MARCHF7: variants seen among roughly 807,000 people sequenced by gnomAD.
MARCHF7 encodes E3 ubiquitin-protein ligase MARCHF7.
A neutral mutation model predicts 76.5 loss-of-function variants in MARCHF7; 20 were observed. The observed-to-expected ratio is 0.26, with a 90% CI of 0.18 to 0.38. MARCHF7 has a LOEUF of 0.38. Ranked by LOEUF, MARCHF7 falls within the 10% of genes least tolerant of loss-of-function variation. The probability of loss-of-function intolerance (pLI) is 1.00; values close to 1 mark genes in which losing one functional copy is unlikely to be tolerated. For synonymous variants in MARCHF7, 295 were observed against 293.0 expected, an observed-to-expected ratio of 1.01 and a Z score of -0.07; for missense variants, 797 against 812.9, an observed-to-expected ratio of 0.98 and a Z score of 0.24.
At chr2:159,735,807 G>A (rs1161272693) in intron 4 of MARCHF7, among the ~76,000 whole-genome samples, 1 of 152,164 alleles carries the variant, frequency 6.6e-6, no homozygotes, top group Non-Finnish European at 1.5e-5. Flanking sequence ...GTTTCTGTGT[G>A]GACTTGTGTT....
chr2:159,762,689 TAAAA>T (rs1181873144), intron 9 of MARCHF7, among the ~76,000 whole-genome samples, 187 bp from the exon 10 acceptor site: 1 of 152,204 alleles, frequency 6.6e-6, no homozygotes, highest in African/African-American at 2.4e-5. Context: ...TATGTGAGAA[TAAAA>T]AGTAAAATTT....
intron 3 of MARCHF7, among the ~76,000 whole-genome samples, chr2:159,727,058 G>T (rs565492298): frequency 1.3e-5 from 2 of 152,060 alleles, no homozygotes; most frequent in Non-Finnish European, 2.9e-5. Context: ...ACCTAAAGAC[G>T]CATTTCTTAG....
intron 4 of MARCHF7, among the ~76,000 whole-genome samples, 170 bp from the exon 5 acceptor site, chr2:159,742,891 T>G (rs957868563): frequency 2.0e-5 from 3 of 151,700 alleles, no homozygotes; most frequent in Non-Finnish European, 4.4e-5. Context: ...GAGCCAAGAT[T>G]GCCCCACTGC....
chr2:159,751,014 T>C (rs1322872683), intron 7 of MARCHF7, among the ~76,000 whole-genome samples: 1 of 152,234 alleles, frequency 6.6e-6, no homozygotes, highest in Non-Finnish European at 1.5e-5. Flanking sequence ...GCTGTTATTT[T>C]CCTGCTTTTA....
intron 9 of MARCHF7, among the ~76,000 whole-genome samples, chr2:159,760,147 T>A (rs1387949243): frequency 6.6e-6 from 1 of 152,220 alleles, no homozygotes; most frequent in African/African-American, 2.4e-5. Context: ...ACTACCAGTC[T>A]GTGTTGTTTT....
intron 4 of MARCHF7, among the ~76,000 whole-genome samples, chr2:159,736,654 A>G (rs1703489514): frequency 6.6e-6 from 1 of 152,234 alleles, no homozygotes; most frequent in Non-Finnish European, 1.5e-5. Flanking sequence ...ATATTGACTT[A>G]TACAATAGTA....
chr2:159,725,308 A>C (rs1184676763), intron 3 of MARCHF7, among the ~76,000 whole-genome samples: 2 of 152,142 alleles, frequency 1.3e-5, no homozygotes, highest in African/African-American at 4.8e-5. Flanking sequence ...AACAATGTAA[A>C]AGTGTTCCTA....
chr2:159,757,356 T>G (rs1366794770), intron 8 of MARCHF7, among the ~76,000 whole-genome samples: 1 of 152,200 alleles, frequency 6.6e-6, no homozygotes, highest in Non-Finnish European at 1.5e-5. Context: ...TGGTAGAGAT[T>G]TATTTAAGCA....
chr2:159,735,643 T>C (rs1484056491), intron 4 of MARCHF7, among the ~76,000 whole-genome samples: 1 of 152,270 alleles, frequency 6.6e-6, no homozygotes, highest in Non-Finnish European at 1.5e-5. Flanking sequence ...ATCTATATTG[T>C]AGCATATGTC....
At chr2:159,727,431 C>CA (rs1042140604) in intron 3 of MARCHF7, among the ~76,000 whole-genome samples, 4 of 151,870 alleles carry the variant, frequency 2.6e-5, no homozygotes, top group Admixed American at 1.3e-4. Context: ...ACTAAAAATA[C>CA]AAAAAAATTA....
chr2:159,760,416 A>G (rs1373827498), intron 9 of MARCHF7, among the ~76,000 whole-genome samples: 1 of 152,242 alleles, frequency 6.6e-6, no homozygotes, highest in Non-Finnish European at 1.5e-5. Context: ...TTAATGTAGC[A>G]CAGGTGCTAC....
intron 3 of MARCHF7, among the ~76,000 whole-genome samples, chr2:159,722,452 G>A (rs1043144898): frequency 1.3e-5 from 2 of 152,130 alleles, no homozygotes; most frequent in Non-Finnish European, 2.9e-5. Flanking sequence ...TTCCTTTGTA[G>A]CACTTAGAAC....
chr2:159,768,463 A>G lies in MARCHF7; in HGVS notation c.*1121A>G, dbSNP rs939110861. 1.3e-5 allele frequency: 2 copies of G among 152,568 alleles called. No individual in the cohort carries two copies. The highest frequency in any genetic ancestry group is 4.8e-5 in the African/African-American group (2 of 41,424). The allele number at this position is 152,568 out of a possible 1,614,324, so 9.5% of individuals were successfully genotyped here. On this transcript the variant is annotated 3_prime_UTR_variant, in exon 12 of 12. Coordinates refer to ENST00000409175, the MANE Select transcript of MARCHF7 (RefSeq NM_001282805.2). Reference sequence around the variant, plus strand: ...GTTATGGCAACAAACTACTTTTTCAAACCTAAATAGGAACCATGTAATTTC... The same window carrying G: ...GTTATGGCAACAAACTACTTTTTCAGACCTAAATAGGAACCATGTAATTTC...
At position 159,729,184 on chromosome 2, in the gene MARCHF7, T is replaced by C. The variant is rs752427258; in HGVS notation, c.153+9T>C. ...TGGATTCTGAATATCAGGTAACATT[T>C]TTATTTGGAATATATGTATACAGCC... On this transcript the variant is annotated intron_variant, in intron 4 of 11. Coordinates refer to ENST00000409175, the MANE Select transcript of MARCHF7 (RefSeq NM_001282805.2). 6.3e-7 allele frequency: 1 copy of C among 1,582,688 alleles called. No individual in the cohort carries two copies. The highest frequency in any genetic ancestry group is 8.6e-7 in the Non-Finnish European group (1 of 1,166,486).
intron 1 of MARCHF7, among the ~76,000 whole-genome samples, chr2:159,714,088 G>A (rs978949470): frequency 6.6e-6 from 1 of 152,224 alleles, no homozygotes; most frequent in Admixed American, 6.5e-5. Flanking sequence ...AACGAACTTG[G>A]ACACAAAAGT....
In MARCHF7 at chr2:159,748,085, A is replaced by C. The variant is rs781136569; in HGVS notation, c.795A>C (p.Arg265Ser). ...SNSERVVSSQ[R>S]PFQESSDNEG... Reference sequence around the variant, plus strand: ...CAGAAAGGGTTGTTTCATCTCAAAGACCATTTCAAGAATCTTCTGACAATG... The same window carrying C: ...CAGAAAGGGTTGTTTCATCTCAAAGCCCATTTCAAGAATCTTCTGACAATG... The change falls in exon 7 of 12, where the codon AGA becomes AGC. Residue 265 changes from arginine (R) to serine (S), a missense_variant. Physicochemically the swap from Arg to Ser is moderately radical, Grantham distance 110. Around this residue, in one of 3 missense-constraint regions of MARCHF7, gnomAD observed 643 missense variants for 631.5 expected, o/e 1.02. Transcript: ENST00000409175. 1.9e-6 allele frequency: 3 copies of C among 1,614,166 alleles called. No homozygotes were observed. Among genetic ancestry groups the C allele is most frequent in the Middle Eastern group, 1.6e-4 (1 of 6,062 alleles).
At chr2:159,760,236 T>A (rs192328586) in intron 9 of MARCHF7, among the ~76,000 whole-genome samples, 13 of 152,356 alleles carry the variant, frequency 8.5e-5, no homozygotes, top group African/African-American at 2.6e-4. Flanking sequence ...CACTTTTTTT[T>A]AAATGTGGGA....
chr2:159,718,377 A>AT (rs1449644740), intron 3 of MARCHF7, among the ~76,000 whole-genome samples: 1 of 152,186 alleles, frequency 6.6e-6, no homozygotes, highest in Non-Finnish European at 1.5e-5. Context: ...ATACATTAAC[A>AT]TACAGGAAAA....
At chr2:159,730,996 C>T (rs1702721779) in intron 4 of MARCHF7, among the ~76,000 whole-genome samples, 2 of 152,120 alleles carry the variant, frequency 1.3e-5, no homozygotes, top group East Asian at 1.9e-4. Context: ...CTCAAGTGGT[C>T]CTCTCACCTC....
Sources: allele counts gnomAD v4.1 joint callset (sites outside exome capture counted in the v4.1 genomes callset), GRCh38; gene constraint gnomAD v4.1.1; regional missense constraint gnomAD v4.1.1; transcripts MANE v1.5; gene names NCBI Gene and HGNC (gene_info 2026-07-23, HGNC 2026-07-21).